Variants in HK1 observed in about 807,000 individuals in gnomAD.
HK1 encodes hexokinase-1.
In HK1, 28 loss-of-function variants were observed where a neutral mutation model predicts 91.6. The ratio of observed to expected loss-of-function variants is 0.31; its 90% CI spans 0.23 to 0.42. The LOEUF is 0.42. HK1 is among the 10% of genes least tolerant of loss of function. The pLI, the probability that HK1 is intolerant of heterozygous loss-of-function variation, is 1.00. For synonymous variants in HK1, 430 were observed against 468.1 expected (o/e 0.92, Z 1.05); for missense variants, 770 against 1,219.8 (o/e 0.63, Z 5.49).
chr10:69,373,142 TA>T (rs1850104042), intron 7 of HK1, among the ~76,000 whole-genome samples: 2 of 152,218 alleles, frequency 1.3e-5, no homozygotes, highest in Non-Finnish European at 2.9e-5. Flanking sequence ...GTTCTGGGAT[TA>T]CAGACGTGAG....
chr10:69,341,148 A>G (rs1848270395), intron 1 of HK1, among the ~76,000 whole-genome samples: 1 of 151,856 alleles, frequency 6.6e-6, no homozygotes, highest in South Asian at 2.1e-4. Context: ...TAAAAAATAT[A>G]TATACATATT....
intron 1 of HK1, among the ~76,000 whole-genome samples, chr10:69,276,138 T>TATATATACACAC (rs753204633): frequency 2.6e-5 from 2 of 76,458 alleles, no homozygotes; most frequent in African/African-American, 4.1e-5. Context: ...TATATATATA[T>TATATATACACAC]ACACATATAT....
intron 3 of HK1, among the ~76,000 whole-genome samples, chr10:69,290,370 G>T (rs1421945255): frequency 1.3e-5 from 2 of 152,106 alleles, no homozygotes; most frequent in African/African-American, 4.8e-5. Flanking sequence ...GGCACGCCTG[G>T]GGTGGTTATC....
At position 69,380,207 on chromosome 10, in the gene HK1, G is replaced by GTCT; in HGVS notation, c.1265+113_1265+114insCTT. On this transcript the variant is annotated intron_variant, in intron 9 of 17. Transcript: ENST00000359426. The surrounding 1 kb of genome is among the most constrained non-coding windows in gnomAD (Gnocchi z 4.0). Reference sequence around the variant, plus strand: ...ACGTTTTTCGGCAGACAAGACAATGGTGGTCGGGGGCTGTGGCTCATGCCT... The same window carrying GTCT: ...ACGTTTTTCGGCAGACAAGACAATGGTCTTGGTCGGGGGCTGTGGCTCATGCCT... 1 of 850,100 alleles carries GTCT rather than the reference G, an allele frequency of 1.2e-6. No homozygotes were observed. The highest frequency in any genetic ancestry group is 2.0e-6 in the Non-Finnish European group (1 of 511,318). 52.7% of individuals were successfully genotyped at this position (850,100 alleles called of 1,614,324 possible).
intron 5 of HK1, among the ~76,000 whole-genome samples, chr10:69,310,116 TAAA>T (rs376737962): frequency 7.7e-5 from 8 of 103,926 alleles, no homozygotes; most frequent in African/African-American, 1.4e-4. Context: ...AAACTCCATC[TAAA>T]AAAAAAAAAA....
At chr10:69,339,104 T>G (rs1848166070) in intron 1 of HK1, among the ~76,000 whole-genome samples, 1 of 152,162 alleles carries the variant, frequency 6.6e-6, no homozygotes, top group African/African-American at 2.4e-5. Flanking sequence ...TTTTGCTCAG[T>G]GAAGTGCTGG....
At chr10:69,310,559 T>C (rs1263393914) in intron 5 of HK1, among the ~76,000 whole-genome samples, 4 of 152,204 alleles carry the variant, frequency 2.6e-5, no homozygotes, top group African/African-American at 7.2e-5. Flanking sequence ...GAACTCTGTG[T>C]GAGCATTTTC....
At position 69,298,065 on chromosome 10, in the gene HK1, G is replaced by A. The variant is rs564865283; in HGVS notation, c.-67+2385G>A. 3.2e-4 allele frequency among the ~76,000 whole-genome samples: 48 copies of A among 151,002 alleles called. No individual in the cohort carries two copies. In the East Asian group the frequency reaches 8.7e-3, roughly 27 times the overall value. ...GTCTCTACTAAAAATACAAAAATTA[G>A]CCAGGCGTGGTGGCAGGCACCTGTA... On this transcript the variant is annotated intron_variant, in intron 4 of 21. Coordinates refer to the HK1 transcript ENST00000360289.
At chr10:69,358,686 G>A (rs1329010685) in intron 2 of HK1, among the ~76,000 whole-genome samples, 4 of 151,824 alleles carry the variant, frequency 2.6e-5, no homozygotes, top group Non-Finnish European at 4.4e-5. Flanking sequence ...ACATAGTGAA[G>A]CCCTGTCTCT....
chr10:69,330,681 C>G (rs919008073), intron 1 of HK1, among the ~76,000 whole-genome samples: 1 of 152,056 alleles, frequency 6.6e-6, no homozygotes, highest in African/African-American at 2.4e-5. Context: ...AGGTGTCTAC[C>G]TTATACCCAG....
At chr10:69,393,043 G>A (rs1386150369) in intron 15 of HK1, among the ~76,000 whole-genome samples, 11 of 152,208 alleles carry the variant, frequency 7.2e-5, no homozygotes, top group Non-Finnish European at 1.3e-4. Flanking sequence ...GTGCAATGGC[G>A]TGATCTCGGC....
intron 4 of HK1, among the ~76,000 whole-genome samples, chr10:69,365,870 C>T (rs1243766684): frequency 1.3e-5 from 2 of 152,112 alleles, no homozygotes; most frequent in Admixed American, 1.3e-4. Flanking sequence ...CTCCCTCTGT[C>T]GCCCAGGCTG....
intron 3 of HK1, among the ~76,000 whole-genome samples, chr10:69,293,404 T>C (rs1277312141): frequency 6.6e-6 from 1 of 152,212 alleles, no homozygotes; most frequent in East Asian, 1.9e-4. Context: ...TTGCACATGA[T>C]TTTTGGAGAT....
chr10:69,385,768 A>G (rs546616363), intron 12 of HK1, among the ~76,000 whole-genome samples: 104 of 152,204 alleles, frequency 6.8e-4, no homozygotes, highest in Non-Finnish European at 1.2e-3. Context: ...AAACCCTTTT[A>G]GAGCTCAGGA....
intron 4 of HK1, 28 bp from the exon 5 acceptor site, chr10:69,368,508 A>T: frequency 6.2e-7 from 1 of 1,600,458 alleles, no homozygotes; most frequent in Non-Finnish European, 8.6e-7. Context: ...CCCAGCCCTC[A>T]TCCAGCCCCA....
At chr10:69,376,612 C>G (rs906267521) in intron 7 of HK1, among the ~76,000 whole-genome samples, 11 of 152,218 alleles carry the variant, frequency 7.2e-5, no homozygotes, top group African/African-American at 2.7e-4. Flanking sequence ...ACATTTCTAT[C>G]TGGGGCCTTC....
chr10:69,316,192 T>A (rs1589471080), upstream of HK1, among the ~76,000 whole-genome samples: 1 of 150,830 alleles, frequency 6.6e-6, no homozygotes, highest in East Asian at 2.0e-4. Flanking sequence ...GCGGCCAGAG[T>A]GGAGGAAGAG....
intron 7 of HK1, among the ~76,000 whole-genome samples, chr10:69,376,695 G>C (rs562219405): frequency 1.2e-3 from 189 of 152,222 alleles, no homozygotes; most frequent in African/African-American, 4.4e-3. Flanking sequence ...CCTGCCCATG[G>C]TGTTCTCCTA....
At chr10:69,347,168 G>C (rs916582568) in intron 2 of HK1, among the ~76,000 whole-genome samples, 2 of 151,930 alleles carry the variant, frequency 1.3e-5, no homozygotes, top group African/African-American at 4.8e-5. Context: ...CTGCCACCAT[G>C]CCCAGCTAAT....
Sources: gnomAD v4.1 joint callset for allele counts (sites outside exome capture counted in the v4.1 genomes callset) on GRCh38, gnomAD v4.1.1 for gene constraint, Gnocchi (gnomAD v3.1) non-coding constraint, MANE v1.5 for transcripts, NCBI Gene and HGNC (gene_info 2026-07-23, HGNC 2026-07-21) for gene names.